NEMP2: variants seen among roughly 807,000 people sequenced by gnomAD.
NEMP2 encodes the protein nuclear envelope integral membrane protein 2, also known as UPF0571 transmembrane protein.
In NEMP2, 53 loss-of-function variants were observed where a neutral mutation model predicts 54.2. The ratio of observed to expected loss-of-function variants is 0.98; its 90% CI spans 0.78 to 1.23. The LOEUF is 1.23. Ranked by LOEUF, NEMP2 falls within the 50% of genes most tolerant of loss-of-function variation. The pLI, the probability that NEMP2 is intolerant of heterozygous loss-of-function variation, is 0.00. For synonymous variants in NEMP2, 197 were observed against 190.3 expected, an observed-to-expected ratio of 1.04 and a Z score of -0.29; for missense variants, 455 against 511.3, an observed-to-expected ratio of 0.89 and a Z score of 1.06.
At chr2:190,486,173 A>G in the NEMP2 span, among the ~76,000 whole-genome samples, 27 of 152,264 alleles carry the variant, frequency 1.8e-4, no homozygotes, top group Non-Finnish European at 3.5e-4. Flanking sequence ...AATACTAACA[A>G]AAGACCTTGT....
the NEMP2 span, among the ~76,000 whole-genome samples, chr2:190,422,556 T>A: frequency 2.0e-5 from 3 of 152,214 alleles, no homozygotes; most frequent in Admixed American, 6.5e-5. Context: ...TGTGATGATG[T>A]TGTTGAGATA....
At chr2:190,581,805 T>C in the NEMP2 span, among the ~76,000 whole-genome samples, 1 of 152,202 alleles carries the variant, frequency 6.6e-6, no homozygotes, top group African/African-American at 2.4e-5. Context: ...AGTGCCGTGC[T>C]GGAGCCCATT....
At chr2:190,633,648 A>G in the NEMP2 span, among the ~76,000 whole-genome samples, 5 of 152,186 alleles carry the variant, frequency 3.3e-5, no homozygotes, top group Non-Finnish European at 5.9e-5. Flanking sequence ...GTCAACTGGT[A>G]CAATGCCTTC....
the NEMP2 span, among the ~76,000 whole-genome samples, chr2:190,431,550 C>T: frequency 5.3e-5 from 8 of 152,328 alleles, no homozygotes; most frequent in African/African-American, 1.9e-4. This position sits in a 1 kb window ranked among gnomAD's most constrained non-coding sequence, Gnocchi z 4.4. Context: ...CAAAAAAATA[C>T]GAAAACCAGT....
At chr2:190,535,379 CT>C (rs1335566519), upstream of NEMP2, among the ~76,000 whole-genome samples, 11 of 151,930 alleles carry the variant, frequency 7.2e-5, no homozygotes, top group Non-Finnish European at 7.4e-5. Context: ...TTAAAATTAC[CT>C]TATGTTAAAA....
At chr2:190,526,305 C>G (rs1280577962) in intron 1 of NEMP2, among the ~76,000 whole-genome samples, 3 of 152,112 alleles carry the variant, frequency 2.0e-5, no homozygotes, top group African/African-American at 7.2e-5. Context: ...CCAAACCCAA[C>G]AGGAAGACAG....
rs1691143793 is a variant in NEMP2, at chr2:190,531,518, AT to A, written c.97+3040del. Among the ~76,000 whole-genome samples, 1 of 152,220 alleles carries A rather than the reference AT, an allele frequency of 6.6e-6. No homozygotes were observed. The highest frequency in any genetic ancestry group is 6.5e-5 in the Admixed American group (1 of 15,280). On this transcript the variant is annotated intron_variant, in intron 1 of 8. Transcript: ENST00000409150. The surrounding 1 kb of genome is among the most constrained non-coding windows in gnomAD (Gnocchi z 4.7). ...TATATTTCTGGATAGTTGTGCCCAA[AT>A]TTCTAAGATGTTACAGGAGGCATTA... is the stretch of plus-strand genomic sequence containing the variant.
In NEMP2 at chr2:190,521,427, T is replaced by C. The variant is rs1000568439; in HGVS notation, c.214-2244A>G. Among the ~76,000 whole-genome samples, 16 of 152,270 alleles carry C rather than the reference T, an allele frequency of 1.1e-4. No individual in the cohort carries two copies. The highest frequency in any genetic ancestry group is 3.4e-3 in the Middle Eastern group (1 of 294). ...GTCCCGACTTGGGCACGGGATCCTA[T>C]CCACGTTTGCCTACTCAAGGACATC... On this transcript the variant is annotated intron_variant, in intron 2 of 8. Coordinates refer to ENST00000409150, the MANE Select transcript of NEMP2 (RefSeq NM_001142645.2). The surrounding 1 kb of genome is among the most constrained non-coding windows in gnomAD (Gnocchi z 6.2).
the NEMP2 span, among the ~76,000 whole-genome samples, chr2:190,624,294 A>G: frequency 4.6e-5 from 7 of 152,340 alleles, no homozygotes; most frequent in African/African-American, 7.2e-5. Context: ...AAAAGACAAA[A>G]ACAACAGATG....
chr2:190,541,870 GTT>G, the NEMP2 span, among the ~76,000 whole-genome samples: 3 of 149,856 alleles, frequency 2.0e-5, no homozygotes, highest in South Asian at 2.1e-4. The surrounding 1 kb of genome is among the most constrained non-coding windows in gnomAD (Gnocchi z 5.2). Flanking sequence ...TTGGATAGCA[GTT>G]TTTTTTTTTC....
At chr2:190,447,494 CTG>C in the NEMP2 span, among the ~76,000 whole-genome samples, 30 of 152,122 alleles carry the variant, frequency 2.0e-4, no homozygotes, top group Admixed American at 1.4e-3. This position sits in a 1 kb window ranked among gnomAD's most constrained non-coding sequence, Gnocchi z 4.5. Flanking sequence ...TACATATAGT[CTG>C]TGTCATAGCA....
the NEMP2 span, among the ~76,000 whole-genome samples, chr2:190,559,367 G>T: frequency 2.0e-5 from 3 of 152,180 alleles, no homozygotes; most frequent in African/African-American, 4.8e-5. This position sits in a 1 kb window ranked among gnomAD's most constrained non-coding sequence, Gnocchi z 4.0. Context: ...GGTGTGAGTG[G>T]GAGAGAAAGA....
At chr2:190,636,996 G>T in the NEMP2 span, among the ~76,000 whole-genome samples, 1 of 152,130 alleles carries the variant, frequency 6.6e-6, no homozygotes, top group Non-Finnish European at 1.5e-5. Context: ...TGGTCTAGGG[G>T]TCCCTTCTGG....
At chr2:190,498,073 T>G in the NEMP2 span, 1 of 191,492 alleles carries the variant, frequency 5.2e-6, no homozygotes, top group Non-Finnish European at 1.1e-5. The surrounding 1 kb of genome is among the most constrained non-coding windows in gnomAD (Gnocchi z 5.9). Flanking sequence ...GGGCATTATA[T>G]TATAGGACCA....
At chr2:190,555,919 TCC>T in the NEMP2 span, among the ~76,000 whole-genome samples, 1 of 152,186 alleles carries the variant, frequency 6.6e-6, no homozygotes, top group Non-Finnish European at 1.5e-5. The surrounding 1 kb of genome is among the most constrained non-coding windows in gnomAD (Gnocchi z 4.8). Context: ...CTGGTACCAT[TCC>T]TTCTGAAACT....
At chr2:190,585,050 G>C in the NEMP2 span, among the ~76,000 whole-genome samples, 1 of 152,204 alleles carries the variant, frequency 6.6e-6, no homozygotes, top group Admixed American at 6.5e-5. The surrounding 1 kb of genome is among the most constrained non-coding windows in gnomAD (Gnocchi z 5.3). Flanking sequence ...TGGATAACCA[G>C]AGATTTGCTG....
At chr2:190,570,322 G>A in the NEMP2 span, among the ~76,000 whole-genome samples, 1 of 152,162 alleles carries the variant, frequency 6.6e-6, no homozygotes, top group Admixed American at 6.5e-5. This position sits in a 1 kb window ranked among gnomAD's most constrained non-coding sequence, Gnocchi z 5.4. Context: ...TTAGGTTTAT[G>A]AATGAGTTTG....
the NEMP2 span, among the ~76,000 whole-genome samples, chr2:190,438,577 T>C: frequency 1.3e-5 from 2 of 152,216 alleles, no homozygotes; most frequent in Admixed American, 6.5e-5. The surrounding 1 kb of genome is among the most constrained non-coding windows in gnomAD (Gnocchi z 5.2). Context: ...CTTCTCACCA[T>C]TAATGTGCAC....
At chr2:190,599,567 A>C in the NEMP2 span, among the ~76,000 whole-genome samples, 1 of 152,220 alleles carries the variant, frequency 6.6e-6, no homozygotes, top group Non-Finnish European at 1.5e-5. Flanking sequence ...TGCATTTAAA[A>C]ATTTTAATTT....
Sources: allele counts gnomAD v4.1 joint callset (sites outside exome capture counted in the v4.1 genomes callset), GRCh38; gene constraint gnomAD v4.1.1; non-coding constraint Gnocchi (gnomAD v3.1); transcripts MANE v1.5; gene names NCBI Gene and HGNC (gene_info 2026-07-23, HGNC 2026-07-21).